TFCP2L1: variants seen among roughly 807,000 people sequenced by gnomAD.
TFCP2L1 encodes the protein transcription factor CP2 like 1, also known as transcription factor CP2-like protein 1.
In TFCP2L1, 12 loss-of-function variants were observed where a neutral mutation model predicts 72.2. The ratio of observed to expected loss-of-function variants is 0.17; its 90% CI spans 0.11 to 0.27. The LOEUF is 0.27. TFCP2L1 is among the 10% of genes least tolerant of loss of function. TFCP2L1 has a pLI of 1.00. For missense variants in TFCP2L1, 488 were observed against 624.6 expected (o/e 0.78, Z 2.33); for synonymous variants, 260 against 251.0 (o/e 1.04, Z -0.34).
intron 11 of TFCP2L1, among the ~76,000 whole-genome samples, chr2:121,234,529 T>C (rs976714100): frequency 2.6e-5 from 4 of 152,224 alleles, no homozygotes; most frequent in African/African-American, 9.6e-5. Context: ...GAGCTAGGAC[T>C]ATCGCTCTCA....
At chr2:121,251,080 T>C (rs1007638851) in intron 2 of TFCP2L1, among the ~76,000 whole-genome samples, 38 of 151,582 alleles carry the variant, frequency 2.5e-4, no homozygotes, top group Admixed American at 2.2e-3. Flanking sequence ...ACCAGTATAG[T>C]GAAACCCCAT....
chr2:121,233,969 C>A (rs1355284525), intron 12 of TFCP2L1, 122 bp downstream of exon 12: 2 of 848,662 alleles, frequency 2.4e-6, no homozygotes, highest in African/African-American at 1.7e-5. Context: ...CACGTGTGGG[C>A]ATGTGGGAGC....
chr2:121,277,113 A>C (rs111444622), intron 2 of TFCP2L1, among the ~76,000 whole-genome samples: 5,654 of 152,302 alleles, frequency 0.037, 356 homozygotes, highest in African/African-American at 0.13. Flanking sequence ...AAACACCCCA[A>C]CAAAAACGTG....
At chr2:121,260,545 C>T (rs1473145832) in intron 2 of TFCP2L1, among the ~76,000 whole-genome samples, 1 of 152,226 alleles carries the variant, frequency 6.6e-6, no homozygotes, top group African/African-American at 2.4e-5. Flanking sequence ...CACACAGAAA[C>T]TGTCCTCCAG....
intron 2 of TFCP2L1, among the ~76,000 whole-genome samples, chr2:121,278,035 T>C (rs531538151): frequency 2.7e-5 from 4 of 149,400 alleles, no homozygotes; most frequent in African/African-American, 4.9e-5. Flanking sequence ...CTCTCTTTTT[T>C]TTTTTTTTTT....
intron 13 of TFCP2L1, among the ~76,000 whole-genome samples, chr2:121,229,118 T>C (rs1347697592): frequency 2.0e-5 from 3 of 152,050 alleles, no homozygotes; most frequent in African/African-American, 4.8e-5. Flanking sequence ...GGTTTCGTCA[T>C]GTTGGCCAGG....
At position 121,269,566 on chromosome 2, in the gene TFCP2L1, C is replaced by T. The variant is rs143990899; in HGVS notation, c.214+11554G>A. On this transcript the variant is annotated intron_variant, in intron 2 of 14. Transcript: ENST00000263707. ...GCTTGAGGCCAACAGTTGTCGACCA[C>T]GCTGGCCAACATAGAGACCCTTTCT... is the stretch of plus-strand genomic sequence containing the variant. Among the ~76,000 whole-genome samples, 368 of 152,180 alleles carry T rather than the reference C, an allele frequency of 2.4e-3. 1 individual carries two copies. Among genetic ancestry groups the T allele is most frequent in the East Asian group, 0.015 (78 of 5,162 alleles).
chr2:121,250,696 TTGTG>T (rs1686591080), intron 2 of TFCP2L1, among the ~76,000 whole-genome samples: 1 of 151,258 alleles, frequency 6.6e-6, no homozygotes, highest in Admixed American at 6.6e-5. Context: ...AACCTCCGCC[TTGTG>T]GGTTCAAGTG....
chr2:121,249,652 A>G lies in TFCP2L1; in HGVS notation c.215-5T>C. The G allele has an allele frequency of 6.2e-7, 1 of 1,614,108 alleles. No individual in the cohort carries two copies. Among genetic ancestry groups the G allele is most frequent in the South Asian group, 1.1e-5 (1 of 91,062 alleles). On this transcript the variant is annotated splice_polypyrimidine_tract_variant and splice_region_variant and intron_variant, in intron 2 of 14. Transcript: ENST00000263707. ...GTCGGATTTCATAAGACTGACCTGG[A>G]TGGGGGTTAAAAGGACATTTTCCAT...
At chr2:121,257,830 C>T (rs1318555787) in intron 2 of TFCP2L1, among the ~76,000 whole-genome samples, 1 of 151,996 alleles carries the variant, frequency 6.6e-6, no homozygotes, top group Non-Finnish European at 1.5e-5. Context: ...TTCCTTCCTT[C>T]CTCCCAACTG....
intron 2 of TFCP2L1, among the ~76,000 whole-genome samples, chr2:121,250,404 AATCTCAAATGATGAT>A (rs2104707377): frequency 6.6e-6 from 1 of 151,624 alleles, no homozygotes; most frequent in East Asian, 1.9e-4. Flanking sequence ...ATATATATAT[AATCTCAAATGATGAT>A]ATCTCAAATG....
intron 2 of TFCP2L1, among the ~76,000 whole-genome samples, chr2:121,279,880 G>T (rs902275707): frequency 2.6e-5 from 4 of 152,180 alleles, no homozygotes; most frequent in Non-Finnish European, 4.4e-5. Context: ...ATCCTTGCTG[G>T]ATGCCTGGGT....
intron 2 of TFCP2L1, among the ~76,000 whole-genome samples, chr2:121,257,333 G>T (rs899070666): frequency 1.3e-5 from 2 of 151,938 alleles, no homozygotes; most frequent in Non-Finnish European, 2.9e-5. Flanking sequence ...CCGGGGGAGG[G>T]GTGGGGCTCC....
intron 11 of TFCP2L1, 83 bp from the exon 12 acceptor site, chr2:121,234,277 T>C: frequency 7.9e-7 from 1 of 1,270,352 alleles, no homozygotes; most frequent in Non-Finnish European, 1.1e-6. Context: ...GAAACAATAG[T>C]GGGCAGAACT....
At chr2:121,240,312 C>T (rs1203557303) in intron 7 of TFCP2L1, 1 of 985,170 alleles carries the variant, frequency 1.0e-6, no homozygotes, top group Non-Finnish European at 1.2e-6. Flanking sequence ...TGGAGTCTCC[C>T]AAAGGAAGCA....
At chr2:121,230,491 C>T (rs1686119075) in intron 13 of TFCP2L1, among the ~76,000 whole-genome samples, 1 of 151,806 alleles carries the variant, frequency 6.6e-6, no homozygotes, top group African/African-American at 2.4e-5. Flanking sequence ...TGTTTAAAGG[C>T]TTCACTTCAG....
rs775890940 is a variant in TFCP2L1, at chr2:121,237,655, G to A, written c.971C>T (p.Ser324Leu). ...GCTGGCAAAGAGCCGGCAGAACTGC[G>A]AGAACCTGTTGCGGTGAAGCCACTG... The part of the protein sequence containing the change: ...AQQWLHRNRF[S>L]QFCRLFASFS... The change falls in exon 10 of 15, where the codon TCG becomes TTG. Residue 324 changes from serine to leucine, a missense_variant. Physicochemically the swap from Ser to Leu is moderately radical, Grantham distance 145 (BLOSUM62 -2). Coordinates refer to ENST00000263707, the MANE Select transcript of TFCP2L1 (RefSeq NM_014553.3). The A allele has an allele frequency of 1.9e-6, 3 of 1,614,180 alleles. No homozygotes were observed. The highest frequency in any genetic ancestry group is 2.2e-5 in the East Asian group (1 of 44,880).
chr2:121,234,793 G>A (rs185902302), intron 11 of TFCP2L1, among the ~76,000 whole-genome samples: 13 of 152,384 alleles, frequency 8.5e-5, no homozygotes, highest in Admixed American at 7.8e-4. Context: ...AGGAAGGTGT[G>A]CAGGACGGCG....
At chr2:121,277,253 T>C (rs984325491) in intron 2 of TFCP2L1, among the ~76,000 whole-genome samples, 3 of 152,208 alleles carry the variant, frequency 2.0e-5, no homozygotes, top group African/African-American at 7.2e-5. Context: ...TAGTCACAGC[T>C]ACTCAGGAAG....
Sources: gnomAD v4.1 joint callset for allele counts (sites outside exome capture counted in the v4.1 genomes callset) on GRCh38, gnomAD v4.1.1 for gene constraint, MANE v1.5 for transcripts, NCBI Gene and HGNC (gene_info 2026-07-23, HGNC 2026-07-21) for gene names.